Variants in LAYN observed in about 807,000 individuals in gnomAD.
LAYN encodes the protein layilin.
LAYN carries 38 observed loss-of-function variants against 43.6 expected under a neutral mutation model. That is an observed-to-expected ratio of 0.87 (90% confidence interval 0.67 to 1.14). The LOEUF is 1.14. Among genes scored for constraint, LAYN ranks in the 50% most tolerant of loss-of-function variants. The pLI is 0.00. For synonymous variants in LAYN, 168 were observed against 172.9 expected, an observed-to-expected ratio of 0.97 and a Z score of 0.22; for missense variants, 479 against 463.8, an observed-to-expected ratio of 1.03 and a Z score of -0.30.
intron 1 of LAYN, among the ~76,000 whole-genome samples, chr11:111,542,209 C>T (rs1445066374): frequency 6.6e-6 from 1 of 152,228 alleles, no homozygotes; most frequent in African/African-American, 2.4e-5. Flanking sequence ...GCGTGGCTGG[C>T]CCAGCCCCCT....
chr11:111,541,958 C>T (rs1026235535), intron 1 of LAYN, among the ~76,000 whole-genome samples: 1 of 152,144 alleles, frequency 6.6e-6, no homozygotes, highest in Non-Finnish European at 1.5e-5. Context: ...GGGCCTCCTT[C>T]CAGCTCTGAC....
chr11:111,555,098 G>T, intron 4 of LAYN, 109 bp from the exon 5 acceptor site: 1 of 781,748 alleles, frequency 1.3e-6, no homozygotes, highest in Middle Eastern at 2.4e-4. Context: ...GATGGTGCTG[G>T]CAAAATTTCT....
chr11:111,548,609 T>C (rs1867686970), intron 2 of LAYN, among the ~76,000 whole-genome samples: 1 of 152,324 alleles, frequency 6.6e-6, no homozygotes, highest in East Asian at 1.9e-4. Context: ...CAAAGGATGT[T>C]CCTTTTAGTA....
intron 3 of LAYN, among the ~76,000 whole-genome samples, chr11:111,552,224 A>G (rs141697545): frequency 2.0e-5 from 3 of 152,176 alleles, no homozygotes; most frequent in African/African-American, 7.2e-5. Flanking sequence ...TAAAAAAATA[A>G]CTTCCTTTGG....
In LAYN at chr11:111,549,601, T is replaced by A; in HGVS notation, c.384-17T>A. The A allele has an allele frequency of 6.6e-7, 1 of 1,519,672 alleles. No homozygotes were observed. The highest frequency in any genetic ancestry group is 8.8e-7 in the Non-Finnish European group (1 of 1,140,752). 94.1% of individuals were successfully genotyped at this position (1,519,672 alleles called of 1,614,324 possible). ...ATCCTTCTCCAGTTGCCTCTACTGC[T>A]GATCCCTTCCCTACAGGAACTGGTA... On this transcript the variant is annotated splice_polypyrimidine_tract_variant and intron_variant, in intron 2 of 6. Transcript: ENST00000375614.
intron 3 of LAYN, among the ~76,000 whole-genome samples, chr11:111,554,264 G>A (rs1867795219): frequency 6.6e-6 from 1 of 152,068 alleles, no homozygotes; most frequent in Non-Finnish European, 1.5e-5. Context: ...GATACACAGG[G>A]TACATTATAC....
At position 111,557,600 on chromosome 11, in the gene LAYN, G is replaced by A. The variant is rs773355125; in HGVS notation, c.718G>A (p.Val240Met). ...IPSIPLLLLL[V>M]VTTVVCWVWI... ...CAGCATTCCCCTTCTCCTCCTCCTT[G>A]TGGTCACCACAGTTGTATGTTGGGT... The change falls in exon 6 of 7, where the codon GTG becomes ATG. Residue 240 changes from valine to methionine, a missense_variant. By Grantham distance (21) the Val-to-Met change is conservative (BLOSUM62 1). Transcript: ENST00000375614. 2.5e-6 allele frequency: 4 copies of A among 1,613,982 alleles called. No individual in the cohort carries two copies. The highest frequency in any genetic ancestry group is 3.4e-6 in the Non-Finnish European group (4 of 1,180,022).
intron 3 of LAYN, among the ~76,000 whole-genome samples, chr11:111,550,077 C>G (rs1222636085): frequency 6.6e-6 from 1 of 152,198 alleles, no homozygotes; most frequent in East Asian, 1.9e-4. Context: ...TTTAAGTGGA[C>G]AGCCACAAAT....
chr11:111,558,729 C>T (rs2135805583), intron 6 of LAYN, among the ~76,000 whole-genome samples: 1 of 150,188 alleles, frequency 6.7e-6, no homozygotes, highest in South Asian at 2.1e-4. Flanking sequence ...CTGGTGAGGC[C>T]TATGGACTCC....
chr11:111,540,998 T>C, intron 1 of LAYN, 70 bp downstream of exon 1: 1 of 1,409,060 alleles, frequency 7.1e-7, no homozygotes, highest in Non-Finnish European at 9.6e-7. Context: ...CTGCTGACCC[T>C]CTTCTGGGTC....
chr11:111,546,786 G>A (rs752687148), intron 2 of LAYN, among the ~76,000 whole-genome samples: 2 of 152,120 alleles, frequency 1.3e-5, no homozygotes, highest in Non-Finnish European at 2.9e-5. Flanking sequence ...ATGGTCTCTG[G>A]TGCTCCTTGC....
chr11:111,546,334 C>G (rs529452932), intron 2 of LAYN, among the ~76,000 whole-genome samples: 2 of 152,324 alleles, frequency 1.3e-5, no homozygotes, highest in Admixed American at 1.3e-4. Context: ...TACCTTACCC[C>G]TAGTTCTTAT....
chr11:111,544,375 T>C (rs1447896965), intron 2 of LAYN, among the ~76,000 whole-genome samples, 155 bp downstream of exon 2: 1 of 152,158 alleles, frequency 6.6e-6, no homozygotes, highest in Non-Finnish European at 1.5e-5. Flanking sequence ...ACCTAAGCAG[T>C]GCAGGTGGTG....
intron 3 of LAYN, among the ~76,000 whole-genome samples, chr11:111,552,248 G>A (rs1447141850): frequency 6.6e-6 from 1 of 152,120 alleles, no homozygotes; most frequent in Non-Finnish European, 1.5e-5. Context: ...GCCTTCCAGA[G>A]CCCCTCAAAG....
intron 4 of LAYN, 97 bp downstream of exon 4, chr11:111,554,690 C>G: frequency 9.4e-7 from 1 of 1,058,226 alleles, no homozygotes; most frequent in Non-Finnish European, 1.4e-6. Context: ...GATTATTCAA[C>G]AGAAAAACTA....
At position 111,560,364 on chromosome 11, in the gene LAYN, G is replaced by C. The variant is rs571288243; in HGVS notation, c.1031G>C (p.Gly344Ala). Residue 344 changes from glycine (G) to alanine (A), a missense_variant, in exon 7 of 7, where the codon GGA (glycine) becomes GCA (alanine). By Grantham distance (60) the Gly-to-Ala change is moderately conservative. Coordinates refer to ENST00000375614, the MANE Select transcript of LAYN (RefSeq NM_178834.5). ...GFVTLVSVES[G>A]FVTNDIYEFS... ...GTGACTCTGGTGAGCGTGGAGAGTG[G>C]ATTTGTGACCAATGACATTTATGAG... 12 of 1,614,004 alleles carry C rather than the reference G, an allele frequency of 7.4e-6. No individual in the cohort carries two copies. Among genetic ancestry groups the C allele is most frequent in the Non-Finnish European group, 1.0e-5 (12 of 1,180,000 alleles).
chr11:111,545,806 C>T (rs568479932), intron 2 of LAYN, among the ~76,000 whole-genome samples: 1 of 152,312 alleles, frequency 6.6e-6, no homozygotes, highest in South Asian at 2.1e-4. Flanking sequence ...AGCTCCCAAA[C>T]CCATGTATTC....
chr11:111,552,210 A>G (rs1867757124), intron 3 of LAYN, among the ~76,000 whole-genome samples: 1 of 151,934 alleles, frequency 6.6e-6, no homozygotes, highest in Non-Finnish European at 1.5e-5. Flanking sequence ...TCAAAATAAG[A>G]AGTTAAAAAA....
Position 111,560,425 on chromosome 11 carries a change from T to C in LAYN, c.1092T>C (p.Ser364=), listed in dbSNP as rs769089845. Residue 364 remains serine, a synonymous_variant, in exon 7 of 7, where the codon TCT becomes TCC. Transcript: ENST00000375614. ...SPDQMGRSKE[S]GWVENEIYGY ...ACCAAATGGGGAGGAGTAAGGAGTC[T>C]GGATGGGTGGAAAATGAAATATATG... is the stretch of plus-strand genomic sequence containing the variant. 1.9e-6 allele frequency: 3 copies of C among 1,613,862 alleles called. No individual in the cohort carries two copies. The highest frequency in any genetic ancestry group is 3.3e-5 in the Admixed American group (2 of 60,008).
Sources: gnomAD v4.1 joint callset for allele counts (sites outside exome capture counted in the v4.1 genomes callset) on GRCh38, gnomAD v4.1.1 for gene constraint, MANE v1.5 for transcripts, NCBI Gene and HGNC (gene_info 2026-07-23, HGNC 2026-07-21) for gene names.